Variants in SAMD3 observed in about 807,000 individuals in gnomAD.
SAMD3 encodes sterile alpha motif domain-containing protein 3.
SAMD3 carries 63 observed loss-of-function variants against 58.5 expected under a neutral mutation model. That is an observed-to-expected ratio of 1.08 (90% CI 0.88 to 1.33). The LOEUF (loss-of-function observed/expected upper bound fraction) is 1.33, where lower values mean the gene tolerates loss of function less well. Among genes scored for constraint, SAMD3 ranks in the 40% most tolerant of loss-of-function variants. The pLI is 0.00. For synonymous variants in SAMD3, 220 were observed against 210.3 expected (o/e 1.05, Z -0.40); for missense variants, 604 against 608.4 (o/e 0.99, Z 0.08).
At chr6:130,149,918 A>G (rs2095452) in intron 9 of SAMD3, among the ~76,000 whole-genome samples, 55,429 of 152,038 alleles carry the variant, frequency 0.36, 10,457 homozygotes, top group East Asian at 0.53. Flanking sequence ...ATTATGTCCT[A>G]CAAATTAATC....
At chr6:130,293,409 T>C (rs1463189146) in intron 2 of SAMD3, among the ~76,000 whole-genome samples, 2 of 152,134 alleles carry the variant, frequency 1.3e-5, no homozygotes, top group African/African-American at 4.8e-5. Context: ...CTCACTCTAG[T>C]AATTAAAAAA....
At chr6:130,151,264 C>G (rs1789143271) in intron 9 of SAMD3, among the ~76,000 whole-genome samples, 1 of 8,534 alleles carries the variant, frequency 1.2e-4, no homozygotes, top group Non-Finnish European at 8.3e-3. Context: ...CATCTTATGT[C>G]TTTCCGTTAC....
At chr6:130,362,740 G>A (rs11154573) in intron 1 of SAMD3, among the ~76,000 whole-genome samples, 27,809 of 152,050 alleles carry the variant, frequency 0.18, 2,794 homozygotes, top group East Asian at 0.36. Context: ...TTAAGTAGTC[G>A]TATCAGCCTC....
intron 2 of SAMD3, among the ~76,000 whole-genome samples, chr6:130,309,570 G>T (rs144999579): frequency 4.3e-4 from 65 of 152,282 alleles, no homozygotes; most frequent in African/African-American, 1.5e-3. Context: ...AGTAGCACAG[G>T]TGTGGTCCTC....
intron 2 of SAMD3, among the ~76,000 whole-genome samples, chr6:130,248,228 T>A (rs1773622035): frequency 6.6e-6 from 1 of 151,722 alleles, no homozygotes. Context: ...ATCTGAAAAG[T>A]TTGTTTTGTT....
At chr6:130,197,270 C>T (rs574159087) in intron 5 of SAMD3, among the ~76,000 whole-genome samples, 2 of 152,318 alleles carry the variant, frequency 1.3e-5, no homozygotes, top group African/African-American at 4.8e-5. Flanking sequence ...TCCCTACTAT[C>T]TTCTGTCTAG....
In SAMD3 at chr6:130,145,432, C is replaced by A; in HGVS notation, c.1196-10G>T. The stretch of plus-strand genomic sequence containing the variant: ...GCTGTCATCTTCATGTCTGTCAAAG[C>A]AAATATGTTAACATGTGAAGTAAAA... On this transcript the variant is annotated splice_polypyrimidine_tract_variant and intron_variant, in intron 10 of 11. Transcript: ENST00000439090. 6.3e-7 allele frequency: 1 copy of A among 1,589,742 alleles called. No individual in the cohort carries two copies. The highest frequency in any genetic ancestry group is 1.7e-5 in the Admixed American group (1 of 59,600).
At chr6:130,306,496 T>C (rs1418528835) in intron 2 of SAMD3, among the ~76,000 whole-genome samples, 1 of 152,206 alleles carries the variant, frequency 6.6e-6, no homozygotes, top group African/African-American at 2.4e-5. Context: ...CTGCTAAGCA[T>C]CTACTCTCAC....
At chr6:130,284,754 G>T (rs76977120) in intron 2 of SAMD3, among the ~76,000 whole-genome samples, 2,821 of 152,268 alleles carry the variant, frequency 0.019, 84 homozygotes, top group African/African-American at 0.06. Flanking sequence ...CTCGGAGAGG[G>T]ATAGCATTAT....
Position 130,349,458 on chromosome 6 carries a change from A to T in SAMD3, c.-304+15662T>A, listed in dbSNP as rs144092616. 2.6e-5 allele frequency among the ~76,000 whole-genome samples: 4 copies of T among 152,372 alleles called. No homozygotes were observed. In the East Asian group the frequency reaches 7.7e-4, roughly 29 times the overall value. ...GAGAATACTATAAAGACCTCTATGC[A>T]AATAAACTAGACAATCTAGAAGAAA... On this transcript the variant is annotated intron_variant, in intron 1 of 13. Transcript: ENST00000368134.
At chr6:130,208,435 G>C (rs1014886045) in intron 5 of SAMD3, among the ~76,000 whole-genome samples, 1 of 152,164 alleles carries the variant, frequency 6.6e-6, no homozygotes. Flanking sequence ...CACAGCAGGA[G>C]GTGAGCAGCG....
intron 2 of SAMD3, among the ~76,000 whole-genome samples, chr6:130,261,359 C>T (rs1774129472): frequency 6.6e-6 from 1 of 151,316 alleles, no homozygotes. Flanking sequence ...GTTTGAATTG[C>T]TTGACAGGAC....
At chr6:130,164,822 C>G (rs6569659) in intron 8 of SAMD3, among the ~76,000 whole-genome samples, 135,513 of 152,036 alleles carry the variant, frequency 0.89, 60,563 homozygotes, top group East Asian at 0.98. Flanking sequence ...CCAGCCTTGT[C>G]ACCACACCTA....
chr6:130,325,566 G>A (rs1776730371), intron 1 of SAMD3, among the ~76,000 whole-genome samples: 1 of 151,894 alleles, frequency 6.6e-6, no homozygotes, highest in Admixed American at 6.6e-5. Flanking sequence ...CAGAAAATAA[G>A]ATTGTTTAAT....
At chr6:130,333,514 A>C (rs140723253) in intron 1 of SAMD3, among the ~76,000 whole-genome samples, 1 of 152,342 alleles carries the variant, frequency 6.6e-6, no homozygotes, top group East Asian at 1.9e-4. Context: ...ATGACTGACT[A>C]CTAGCAATTA....
chr6:130,183,292 G>C lies in SAMD3; in HGVS notation c.654+811C>G, dbSNP rs575915630. On this transcript the variant is annotated intron_variant, in intron 7 of 11. Transcript: ENST00000439090. The stretch of plus-strand genomic sequence containing the variant: ...GCGGAGGTTGCAGTGAGCTGAGATC[G>C]CGCCACTATACTCCAGCCTGAGTGA... 6.3e-5 allele frequency: 27 copies of C among 430,188 alleles called. No homozygotes were observed. The East Asian group carries it at 1.9e-3, about 31-fold the overall frequency. 26.6% of individuals were successfully genotyped at this position (430,188 alleles called of 1,614,324 possible).
At chr6:130,190,204 C>T (rs1793398336) in intron 5 of SAMD3, among the ~76,000 whole-genome samples, 1 of 152,128 alleles carries the variant, frequency 6.6e-6, no homozygotes, top group South Asian at 2.1e-4. Context: ...GTGAGTCCAA[C>T]CAATTTTGCG....
chr6:130,209,652 T>C (rs778948282), intron 4 of SAMD3, 44 bp from the exon 5 acceptor site: 17 of 1,251,962 alleles, frequency 1.4e-5, no homozygotes, highest in Non-Finnish European at 2.0e-5. Flanking sequence ...AGAGGTGATA[T>C]GACCATTGAT....
intron 2 of SAMD3, among the ~76,000 whole-genome samples, chr6:130,304,111 T>C (rs1367405884): frequency 6.6e-6 from 1 of 152,216 alleles, no homozygotes; most frequent in African/African-American, 2.4e-5. Flanking sequence ...TTTTATGTAT[T>C]ATATGAGGTA....
Sources: allele counts gnomAD v4.1 joint callset (sites outside exome capture counted in the v4.1 genomes callset), GRCh38; gene constraint gnomAD v4.1.1; transcripts MANE v1.5; gene names NCBI Gene and HGNC (gene_info 2026-07-23, HGNC 2026-07-21).